Variants in CDH1 observed in about 807,000 individuals in gnomAD.
CDH1 encodes cadherin-1.
In CDH1, 35 loss-of-function variants were observed where a neutral mutation model predicts 84.5. That is an observed-to-expected ratio of 0.41 (90% CI 0.32 to 0.55). The LOEUF (loss-of-function observed/expected upper bound fraction) is 0.55, where lower values mean the gene tolerates loss of function less well. Among genes scored for constraint, CDH1 ranks in the 20% least tolerant of loss-of-function variants. The pLI is 0.19. For missense variants in CDH1, 994 were observed against 1,126.6 expected (o/e 0.88, Z 1.68); for synonymous variants, 417 against 439.0 (o/e 0.95, Z 0.63).
intron 3 of CDH1, among the ~76,000 whole-genome samples, chr16:68,807,654 A>G (rs1428520819): frequency 2.0e-5 from 3 of 152,090 alleles, no homozygotes; most frequent in Non-Finnish European, 4.4e-5. Context: ...ACTTCACTGC[A>G]CTCCAGCCTG....
chr16:68,768,073 A>G (rs571563680), intron 2 of CDH1, among the ~76,000 whole-genome samples: 20 of 152,090 alleles, frequency 1.3e-4, no homozygotes, highest in Non-Finnish European at 2.8e-4. Flanking sequence ...CAGACTCCCA[A>G]GTAGCTGGGA....
chr16:68,743,787 A>G (rs2152115892), intron 2 of CDH1, among the ~76,000 whole-genome samples: 1 of 152,354 alleles, frequency 6.6e-6, no homozygotes. Flanking sequence ...AGTACAGGAA[A>G]CTAGGTTTGA....
intron 3 of CDH1, 67 bp from the exon 4 acceptor site, chr16:68,808,357 G>T (rs2152129481): frequency 6.4e-7 from 1 of 1,551,082 alleles, no homozygotes; most frequent in South Asian, 1.1e-5. Flanking sequence ...TGGCTAGGTT[G>T]GACTGTTAGA....
intron 2 of CDH1, among the ~76,000 whole-genome samples, chr16:68,745,403 G>C (rs1186490658): frequency 6.6e-6 from 1 of 150,830 alleles, no homozygotes; most frequent in South Asian, 2.1e-4. Flanking sequence ...TTTGCTGGGC[G>C]TGGTGGCATG....
chr16:68,813,039 C>T (rs1371018452), intron 8 of CDH1, among the ~76,000 whole-genome samples: 2 of 151,928 alleles, frequency 1.3e-5, no homozygotes, highest in African/African-American at 4.8e-5. Flanking sequence ...CTCTCCTTGT[C>T]ACATCTTCTC....
intron 2 of CDH1, among the ~76,000 whole-genome samples, chr16:68,789,437 G>A (rs1455690347): frequency 1.3e-5 from 2 of 152,038 alleles, no homozygotes; most frequent in Admixed American, 1.3e-4. Context: ...TATAGACCAG[G>A]ATCTGAAGGA....
At chr16:68,751,237 G>A (rs567091268) in intron 2 of CDH1, among the ~76,000 whole-genome samples, 4 of 152,038 alleles carry the variant, frequency 2.6e-5, no homozygotes, top group Non-Finnish European at 4.4e-5. Flanking sequence ...GACTTCTGAG[G>A]CTTCACTGAT....
chr16:68,795,682 GA>G (rs1400201389), intron 2 of CDH1, among the ~76,000 whole-genome samples: 1 of 151,826 alleles, frequency 6.6e-6, no homozygotes, highest in East Asian at 2.0e-4. Flanking sequence ...TTTCAGTAGA[GA>G]CGGGGTTTCA....
At chr16:68,757,866 C>G (rs185540806) in intron 2 of CDH1, among the ~76,000 whole-genome samples, 1 of 151,384 alleles carries the variant, frequency 6.6e-6, no homozygotes, top group Admixed American at 6.6e-5. Context: ...AATTTTGGCT[C>G]ACTGCAACCT....
intron 2 of CDH1, among the ~76,000 whole-genome samples, chr16:68,761,137 C>T (rs532782057): frequency 6.6e-6 from 1 of 152,208 alleles, no homozygotes; most frequent in Non-Finnish European, 1.5e-5. Flanking sequence ...CAGAGCCTGG[C>T]AGGACTGCAG....
At position 68,773,808 on chromosome 16, in the gene CDH1, C is replaced by T. The variant is rs117376151; in HGVS notation, c.164-27862C>T. Among the ~76,000 whole-genome samples the T allele has an allele frequency of 7.1e-3, 1,081 of 152,356 alleles. 7 individuals are homozygous for T. The highest frequency in any genetic ancestry group is 0.011 in the Non-Finnish European group (755 of 68,034). On this transcript the variant is annotated intron_variant, in intron 2 of 15. Coordinates refer to ENST00000261769, the MANE Select transcript of CDH1 (RefSeq NM_004360.5). The stretch of plus-strand genomic sequence containing the variant: ...GCTTGAGCACTTAACCTGTGTGCCA[C>T]AGGGCTCTTCCTGTTCATATCCATG...
chr16:68,813,213 C>G (rs1679037892), intron 8 of CDH1, 100 bp from the exon 9 acceptor site: 2 of 1,256,140 alleles, frequency 1.6e-6, no homozygotes, highest in Admixed American at 3.4e-5. Flanking sequence ...GATCTTATCT[C>G]AAAAGAACAA....
chr16:68,828,418 T>C, intron 14 of CDH1, 114 bp downstream of exon 14: 1 of 1,055,932 alleles, frequency 9.5e-7, no homozygotes, highest in Non-Finnish European at 1.4e-6. Flanking sequence ...TATTATCTTT[T>C]TAAGGCCTTA....
rs34785332 is a variant in CDH1 at position 68,835,133 on chromosome 16, T to A, written c.*1634T>A. 2.2e-5 allele frequency: 5 copies of A among 231,664 alleles called. No individual in the cohort carries two copies. Among genetic ancestry groups the A allele is most frequent in the Non-Finnish European group, 4.3e-5 (5 of 117,082 alleles). The allele number at this position is 231,664 out of a possible 1,614,324, so 14.4% of individuals were successfully genotyped here. A position where few individuals can be genotyped will look rare whatever the true frequency, so the allele number is the denominator to read the frequency against. On this transcript the variant is annotated 3_prime_UTR_variant, in exon 16 of 16. Coordinates refer to ENST00000261769, the MANE Select transcript of CDH1 (RefSeq NM_004360.5). ...ACCGAGAATATTCAAAATTCCAAAT[T>A]TTTTTCTTAGGAGCAAGAAGAAAAT... is the stretch of plus-strand genomic sequence containing the variant.
chr16:68,810,904 C>T (rs1960803745), intron 6 of CDH1, among the ~76,000 whole-genome samples: 1 of 151,742 alleles, frequency 6.6e-6, no homozygotes, highest in African/African-American at 2.4e-5. Flanking sequence ...CAGGGTCTTG[C>T]TTTGTTGTCC....
At chr16:68,790,781 G>C (rs1304635866) in intron 2 of CDH1, among the ~76,000 whole-genome samples, 6 of 152,046 alleles carry the variant, frequency 3.9e-5, no homozygotes, top group African/African-American at 1.4e-4. Flanking sequence ...CCAAGCAGTT[G>C]GTTTTGACTT....
At chr16:68,798,828 A>G (rs535316200) in intron 2 of CDH1, among the ~76,000 whole-genome samples, 1 of 152,284 alleles carries the variant, frequency 6.6e-6, no homozygotes, top group Admixed American at 6.5e-5. Context: ...GTTTGAAAAG[A>G]AATTCCTATT....
At chr16:68,737,646 T>G in intron 1 of CDH1, among the ~76,000 whole-genome samples, 183 bp downstream of exon 1, 2 of 150,928 alleles carry the variant, frequency 1.3e-5, no homozygotes, top group East Asian at 2.0e-4. Context: ...GAGTGGGGGG[T>G]GGGTGGTGAG....
chr16:68,805,221 T>C (rs1960626109), intron 3 of CDH1, among the ~76,000 whole-genome samples: 2 of 152,102 alleles, frequency 1.3e-5, no homozygotes, highest in Non-Finnish European at 1.5e-5. Flanking sequence ...GGTTTTACCA[T>C]GTTGGCCAGG....
Sources: gnomAD v4.1 joint callset for allele counts (sites outside exome capture counted in the v4.1 genomes callset) on GRCh38, gnomAD v4.1.1 for gene constraint, MANE v1.5 for transcripts, NCBI Gene and HGNC (gene_info 2026-07-23, HGNC 2026-07-21) for gene names.